CYS1: variants seen among roughly 807,000 people sequenced by gnomAD.
The protein encoded by CYS1 is cystin-1.
A neutral mutation model predicts 9.6 loss-of-function variants in CYS1; 5 were observed. The ratio of observed to expected loss-of-function variants is 0.52; its 90% CI spans 0.27 to 1.10. The LOEUF is 1.10. Ranked by LOEUF, CYS1 falls within the 50% of genes least tolerant of loss-of-function variation. The pLI is 0.11. For synonymous variants in CYS1, 88 were observed against 95.7 expected (o/e 0.92, Z 0.47); for missense variants, 221 against 207.9 (o/e 1.06, Z -0.39).
At chr2:10,066,008 T>C (rs750395519) in intron 1 of CYS1, 52 bp from the exon 2 acceptor site, 104 of 1,605,074 alleles carry the variant, frequency 6.5e-5, no homozygotes, top group Non-Finnish European at 8.4e-5. Context: ...CAGTGCAGCC[T>C]GCCTAAGGCT....
At chr2:10,064,906 T>C (rs1661675257) in intron 2 of CYS1, among the ~76,000 whole-genome samples, 1 of 151,318 alleles carries the variant, frequency 6.6e-6, no homozygotes, top group South Asian at 2.1e-4. Flanking sequence ...GTTTTTTTTT[T>C]TTTTGGTATT....
chr2:10,062,614 G>A (rs780017467), intron 2 of CYS1, among the ~76,000 whole-genome samples: 37 of 152,072 alleles, frequency 2.4e-4, no homozygotes, highest in Non-Finnish European at 3.8e-4. Flanking sequence ...TGTTGGCCAG[G>A]CTGCTCTTGA....
In CYS1 at chr2:10,063,988, C is replaced by T. The variant is rs1661662146; in HGVS notation, c.371+1916G>A. On this transcript the variant is annotated intron_variant, in intron 2 of 2. Coordinates refer to ENST00000381813, the MANE Select transcript of CYS1 (RefSeq NM_001037160.3). This position sits in a 1 kb window ranked among gnomAD's most constrained non-coding sequence, Gnocchi z 4.2. ...CCATAATCCCAGCACTTTGGGAGGC[C>T]AAGGTGGGCGGATCACCTGAGGCCA... 6.6e-6 allele frequency among the ~76,000 whole-genome samples: 1 copy of T among 152,154 alleles called. No homozygotes were observed. The highest frequency in any genetic ancestry group is 2.4e-5 in the African/African-American group (1 of 41,442).
intron 1 of CYS1, among the ~76,000 whole-genome samples, chr2:10,072,644 G>A (rs1469330764): frequency 6.6e-6 from 1 of 152,096 alleles, no homozygotes; most frequent in Admixed American, 6.5e-5. Flanking sequence ...TTGGCTTTTC[G>A]GTTTTCTTAA....
rs1321113816 is a variant in CYS1, at chr2:10,076,770, A to G, written c.318+3136T>C. Among the ~76,000 whole-genome samples the G allele has an allele frequency of 3.3e-5, 5 of 152,156 alleles. No homozygotes were observed. Among genetic ancestry groups the G allele is most frequent in the African/African-American group, 1.2e-4 (5 of 41,434 alleles). On this transcript the variant is annotated intron_variant, in intron 1 of 2. Coordinates refer to ENST00000381813, the MANE Select transcript of CYS1 (RefSeq NM_001037160.3). The surrounding 1 kb of genome is among the most constrained non-coding windows in gnomAD (Gnocchi z 4.3). The stretch of plus-strand genomic sequence containing the variant: ...GCTCCCAGGACAGAGCCCGGTGCCC[A>G]TCCATGCTTCCTAAGCACACGCTGG...
chr2:10,070,795 C>T (rs11678624), intron 1 of CYS1, among the ~76,000 whole-genome samples: 62,971 of 151,734 alleles, frequency 0.42, 13,387 homozygotes, highest in East Asian at 0.61. Context: ...AGGCACATGC[C>T]ACCACACAAG....
chr2:10,061,914 G>A (rs952425445), intron 2 of CYS1, among the ~76,000 whole-genome samples: 2 of 152,124 alleles, frequency 1.3e-5, no homozygotes, highest in Non-Finnish European at 2.9e-5. Context: ...AGGGATTCTT[G>A]GGAAGTCTCA....
Position 10,076,556 on chromosome 2 carries a change from A to G in CYS1, c.318+3350T>C, listed in dbSNP as rs927038281. Among the ~76,000 whole-genome samples, 2 of 152,038 alleles carry G rather than the reference A, an allele frequency of 1.3e-5. No homozygotes were observed. Among genetic ancestry groups the G allele is most frequent in the African/African-American group, 4.8e-5 (2 of 41,376 alleles). ...ACCAGCTCTCAGGCTTCCCGCATAT[A>G]TCCCACCAAGCAGCACTTCCAGCAG... On this transcript the variant is annotated intron_variant, in intron 1 of 2. Coordinates refer to ENST00000381813, the MANE Select transcript of CYS1 (RefSeq NM_001037160.3). The surrounding 1 kb of genome is among the most constrained non-coding windows in gnomAD (Gnocchi z 4.3).
At position 10,065,956 on chromosome 2, in the gene CYS1, C is replaced by G; in HGVS notation, c.319G>C (p.Val107Leu). 6.2e-7 allele frequency: 1 copy of G among 1,614,190 alleles called. No homozygotes were observed. Among genetic ancestry groups the G allele is most frequent in the Non-Finnish European group, 8.5e-7 (1 of 1,180,028 alleles). Residue 107 changes from valine (V) to leucine (L), a missense_variant and splice_region_variant, in exon 2 of 3, where the codon GTG becomes CTG. By Grantham distance (32) the Val-to-Leu change is conservative. Coordinates refer to ENST00000381813, the MANE Select transcript of CYS1 (RefSeq NM_001037160.3). Reference sequence around the variant, plus strand: ...CCCTCTGTGCTCTGCTCTGCGCACACCTTGAGAAAGATGAAATGAAGAGAC... The same window carrying G: ...CCCTCTGTGCTCTGCTCTGCGCACAGCTTGAGAAAGATGAAATGAAGAGAC... ...LRPTAVAGSA[V>L]CAEQSTEGHP...
At position 10,076,888 on chromosome 2, in the gene CYS1, C is replaced by A. The variant is rs1050373844; in HGVS notation, c.318+3018G>T. ...AAACGAACTCCAAACCTGACCTCTC[C>A]CCTGAATGCCAAACTCTTACAAAGA... On this transcript the variant is annotated intron_variant, in intron 1 of 2. Transcript: ENST00000381813. This position sits in a 1 kb window ranked among gnomAD's most constrained non-coding sequence, Gnocchi z 4.3. 1.3e-5 allele frequency among the ~76,000 whole-genome samples: 2 copies of A among 152,032 alleles called. No individual in the cohort carries two copies. Among genetic ancestry groups the A allele is most frequent in the Non-Finnish European group, 2.9e-5 (2 of 68,000 alleles).
rs1378094339 is a variant in CYS1 at position 10,058,016 on chromosome 2, G to A, written c.*837C>T. The stretch of plus-strand genomic sequence containing the variant: ...TGTGAGAGGGAGAACTGGAAAGCCA[G>A]TATCAGGCAGACCCTCTCCCGGTTG... On this transcript the variant is annotated 3_prime_UTR_variant, in exon 3 of 3. Coordinates refer to ENST00000381813, the MANE Select transcript of CYS1 (RefSeq NM_001037160.3). 1 of 152,310 alleles carries A rather than the reference G, an allele frequency of 6.6e-6. No individual in the cohort carries two copies. Among genetic ancestry groups the A allele is most frequent in the Non-Finnish European group, 1.5e-5 (1 of 68,094 alleles). The allele number at this position is 152,310 out of a possible 1,614,324, so 9.4% of individuals were successfully genotyped here.
intron 1 of CYS1, among the ~76,000 whole-genome samples, chr2:10,072,567 T>C (rs76911573): frequency 6.6e-5 from 10 of 152,364 alleles, no homozygotes; most frequent in Admixed American, 2.6e-4. Context: ...TTTTATTCCA[T>C]AGTATGGATA....
intron 2 of CYS1, among the ~76,000 whole-genome samples, chr2:10,061,916 G>C (rs544577753): frequency 1.3e-5 from 2 of 152,264 alleles, no homozygotes; most frequent in South Asian, 2.1e-4. Flanking sequence ...GGATTCTTGG[G>C]AAGTCTCACC....
At chr2:10,079,220 G>A (rs1375024140) in intron 1 of CYS1, among the ~76,000 whole-genome samples, 2 of 152,110 alleles carry the variant, frequency 1.3e-5, no homozygotes, top group African/African-American at 4.8e-5. Context: ...CACCCAGGAA[G>A]GCATCTTCCT....
chr2:10,077,956 A>T, intron 1 of CYS1, among the ~76,000 whole-genome samples: 1 of 152,148 alleles, frequency 6.6e-6, no homozygotes, highest in East Asian at 1.9e-4. Context: ...CTAAAAATAC[A>T]AAAATTGGGC....
At position 10,057,335 on chromosome 2, in the gene CYS1, CAA is replaced by C. The variant is rs1350526373; in HGVS notation, c.*1516_*1517del. ...CGGGGGCCGCTCCAAGCTCTGACTT[CAA>C]AAGTTGGAGTTTCCCAGCTGCGAAC... is the stretch of plus-strand genomic sequence containing the variant. On this transcript the variant is annotated 3_prime_UTR_variant, in exon 3 of 3. Transcript: ENST00000381813. The C allele has an allele frequency of 6.6e-6, 1 of 152,278 alleles. No individual in the cohort carries two copies. The highest frequency in any genetic ancestry group is 1.5e-5 in the Non-Finnish European group (1 of 68,046). The allele number at this position is 152,278 out of a possible 1,614,324, so 9.4% of individuals were successfully genotyped here. A position where few individuals can be genotyped will look rare whatever the true frequency, so the allele number is the denominator to read the frequency against.
At chr2:10,071,998 CAT>C (rs774056414) in intron 1 of CYS1, among the ~76,000 whole-genome samples, 1 of 152,114 alleles carries the variant, frequency 6.6e-6, no homozygotes, top group Non-Finnish European at 1.5e-5. Flanking sequence ...AAGCAGAAAA[CAT>C]ATGAGAATGA....
rs776879027 is a variant in CYS1, at chr2:10,076,791, G to A, written c.318+3115C>T. ...GCCCATCCATGCTTCCTAAGCACAC[G>A]CTGGCAGCATCGTCACTGGTGATCC... On this transcript the variant is annotated intron_variant, in intron 1 of 2. Transcript: ENST00000381813. This position sits in a 1 kb window ranked among gnomAD's most constrained non-coding sequence, Gnocchi z 4.3. Among the ~76,000 whole-genome samples, 8 of 152,186 alleles carry A rather than the reference G, an allele frequency of 5.3e-5. No homozygotes were observed. In the South Asian group the frequency reaches 6.2e-4, roughly 12 times the overall value.
Position 10,063,504 on chromosome 2 carries a change from T to TA in CYS1, c.371+2399dup, listed in dbSNP as rs1198691533. Among the ~76,000 whole-genome samples the TA allele has an allele frequency of 2.0e-5, 3 of 152,218 alleles. No individual in the cohort carries two copies. Among genetic ancestry groups the TA allele is most frequent in the Non-Finnish European group, 4.4e-5 (3 of 68,042 alleles). On this transcript the variant is annotated intron_variant, in intron 2 of 2. Transcript: ENST00000381813. The surrounding 1 kb of genome is among the most constrained non-coding windows in gnomAD (Gnocchi z 4.2). Reference sequence around the variant, plus strand: ...ACTTTGCTATATTTACTTTATCACGTACTTATTTACTTCTTCATCTGATTT... The same window carrying TA: ...ACTTTGCTATATTTACTTTATCACGTAACTTATTTACTTCTTCATCTGATTT...
Sources: gnomAD v4.1 joint callset for allele counts (sites outside exome capture counted in the v4.1 genomes callset) on GRCh38, gnomAD v4.1.1 for gene constraint, Gnocchi (gnomAD v3.1) non-coding constraint, MANE v1.5 for transcripts, NCBI Gene and HGNC (gene_info 2026-07-23, HGNC 2026-07-21) for gene names.